Variants in TMPRSS4 observed in about 807,000 individuals in gnomAD.
TMPRSS4 encodes the protein transmembrane serine protease 4.
A neutral mutation model predicts 56.4 loss-of-function variants in TMPRSS4; 45 were observed. The observed-to-expected ratio is 0.80, with a 90% CI of 0.63 to 1.02. The LOEUF is 1.02. Among genes scored for constraint, TMPRSS4 ranks in the 50% least tolerant of loss-of-function variants. The pLI is 0.00. For missense variants in TMPRSS4, 546 were observed against 556.7 expected, an observed-to-expected ratio of 0.98 and a Z score of 0.19; for synonymous variants, 205 against 211.0, an observed-to-expected ratio of 0.97 and a Z score of 0.25.
At chr11:118,111,976 TG>T (rs1023013145) in intron 8 of TMPRSS4, 76 bp downstream of exon 8, 77 of 1,551,624 alleles carry the variant, frequency 5.0e-5, no homozygotes, top group Non-Finnish European at 6.5e-5. Context: ...TCCTGTCTCC[TG>T]GCACCGTCCT....
chr11:118,095,922 G>T (rs767841), intron 2 of TMPRSS4, among the ~76,000 whole-genome samples: 2,560 of 152,280 alleles, frequency 0.017, 71 homozygotes, highest in African/African-American at 0.057. Context: ...GCTGTTCATA[G>T]CTCACTGGGT....
At chr11:118,085,223 CTTCT>C (rs1393623813) in intron 1 of TMPRSS4, among the ~76,000 whole-genome samples, 7 of 118,030 alleles carry the variant, frequency 5.9e-5, no homozygotes, top group African/African-American at 8.5e-5. Flanking sequence ...AGATCTTCTT[CTTCT>C]TTTTTTTTTT....
chr11:118,099,505 T>C (rs1002176605), intron 3 of TMPRSS4, among the ~76,000 whole-genome samples: 1 of 109,178 alleles, frequency 9.2e-6, no homozygotes, highest in Non-Finnish European at 2.1e-5. Context: ...AAGAAAGACA[T>C]GTATCCACCC....
chr11:118,100,942 G>T (rs1405530784), intron 3 of TMPRSS4, among the ~76,000 whole-genome samples: 2 of 152,120 alleles, frequency 1.3e-5, no homozygotes, highest in Non-Finnish European at 2.9e-5. Flanking sequence ...ATGGCTTCTG[G>T]AGTCTCAACT....
intron 3 of TMPRSS4, among the ~76,000 whole-genome samples, chr11:118,100,484 A>T (rs1405984855): frequency 6.6e-6 from 1 of 152,158 alleles, no homozygotes; most frequent in African/African-American, 2.4e-5. Context: ...GCAGTCAGGG[A>T]CAAAGCTGCG....
At chr11:118,102,170 C>T (rs954355208) in intron 3 of TMPRSS4, among the ~76,000 whole-genome samples, 1 of 152,082 alleles carries the variant, frequency 6.6e-6, no homozygotes, top group African/African-American at 2.4e-5. Flanking sequence ...CGCCTCCCCC[C>T]GACAGGCCCC....
At position 118,118,593 on chromosome 11, in the gene TMPRSS4, C is replaced by A; in HGVS notation, c.*680C>A. On this transcript the variant is annotated 3_prime_UTR_variant, in exon 13 of 13. Transcript: ENST00000437212. Reference sequence around the variant, plus strand: ...CAGGGGAAAAAAGAGTTAGGGAGACCAGATCTGCTGAGTGGCAGCAAGAGT... The same window carrying A: ...CAGGGGAAAAAAGAGTTAGGGAGACAAGATCTGCTGAGTGGCAGCAAGAGT... 1.0e-6 allele frequency: 1 copy of A among 985,418 alleles called. No individual in the cohort carries two copies. Among genetic ancestry groups the A allele is most frequent in the Non-Finnish European group, 1.2e-6 (1 of 829,980 alleles). The allele number at this position is 985,418 out of a possible 1,614,324, so 61.0% of individuals were successfully genotyped here. A position where few individuals can be genotyped will look rare whatever the true frequency, so the allele number is the denominator to read the frequency against.
Position 118,119,067 on chromosome 11 carries a change from A to G in TMPRSS4, c.*1154A>G. On this transcript the variant is annotated 3_prime_UTR_variant, in exon 13 of 13. Coordinates refer to ENST00000437212, the MANE Select transcript of TMPRSS4 (RefSeq NM_019894.4). Reference sequence around the variant, plus strand: ...TTAAGTCAGATCCTAGATGAAATATACTTGTTCATACTGTACTAGGTTCTT... The same window carrying G: ...TTAAGTCAGATCCTAGATGAAATATGCTTGTTCATACTGTACTAGGTTCTT... The G allele has an allele frequency of 1.0e-6, 1 of 985,430 alleles. No homozygotes were observed. Among genetic ancestry groups the G allele is most frequent in the Non-Finnish European group, 1.2e-6 (1 of 829,934 alleles). The allele number at this position is 985,430 out of a possible 1,614,324, so 61.0% of individuals were successfully genotyped here. A position where few individuals can be genotyped will look rare whatever the true frequency, so the allele number is the denominator to read the frequency against.
intron 11 of TMPRSS4, chr11:118,115,647 C>T: frequency 5.1e-6 from 1 of 196,192 alleles, no homozygotes; most frequent in Non-Finnish European, 1.1e-5. Context: ...TGGTGAAATC[C>T]CATCTCTACT....
intron 1 of TMPRSS4, among the ~76,000 whole-genome samples, chr11:118,078,621 G>C (rs2135181924): frequency 6.6e-6 from 1 of 152,308 alleles, no homozygotes; most frequent in South Asian, 2.1e-4. Context: ...GGGCTCCCAG[G>C]AGAGGAGAGC....
At chr11:118,083,911 G>C (rs575270990) in intron 1 of TMPRSS4, among the ~76,000 whole-genome samples, 7 of 152,034 alleles carry the variant, frequency 4.6e-5, no homozygotes, top group African/African-American at 1.2e-4. Flanking sequence ...GGTGGCAGAC[G>C]CCTGTAATCC....
At chr11:118,109,033 C>T in intron 7 of TMPRSS4, 137 bp downstream of exon 7, 1 of 848,616 alleles carries the variant, frequency 1.2e-6, no homozygotes, top group South Asian at 1.7e-5. Flanking sequence ...GCTTGTCGGT[C>T]AATGCCCCCT....
At chr11:118,104,843 CT>C in intron 5 of TMPRSS4, 23 bp downstream of exon 5, 1 of 1,541,540 alleles carries the variant, frequency 6.5e-7, no homozygotes, top group Non-Finnish European at 8.7e-7. Flanking sequence ...GGCCTCTCTC[CT>C]TTTTCCCTCC....
At chr11:118,079,238 A>G (rs1222419540) in intron 1 of TMPRSS4, among the ~76,000 whole-genome samples, 1 of 152,112 alleles carries the variant, frequency 6.6e-6, no homozygotes, top group African/African-American at 2.4e-5. Flanking sequence ...AACCCTTGAC[A>G]GCCATAGCTC....
intron 1 of TMPRSS4, among the ~76,000 whole-genome samples, chr11:118,089,303 A>T (rs948460): frequency 0.21 from 32,430 of 152,148 alleles, 4,316 homozygotes; most frequent in Non-Finnish European, 0.31. Flanking sequence ...TGAGCTACTC[A>T]TGGGGAAACT....
intron 1 of TMPRSS4, among the ~76,000 whole-genome samples, chr11:118,084,157 C>G (rs1945365331): frequency 6.6e-6 from 1 of 152,126 alleles, no homozygotes; most frequent in Non-Finnish European, 1.5e-5. Flanking sequence ...TTCTCTCTCT[C>G]CCTCTTTTTC....
At chr11:118,087,355 C>T (rs1460311806) in intron 1 of TMPRSS4, among the ~76,000 whole-genome samples, 2 of 152,296 alleles carry the variant, frequency 1.3e-5, no homozygotes, top group Admixed American at 6.5e-5. Context: ...AGGAGCTGGC[C>T]GAGCTTTCTG....
chr11:118,118,173 C>G lies in TMPRSS4; in HGVS notation c.*260C>G. 10 of 1,408,698 alleles carry G rather than the reference C, an allele frequency of 7.1e-6. No individual in the cohort carries two copies. Among genetic ancestry groups the G allele is most frequent in the Non-Finnish European group, 9.2e-6 (10 of 1,085,040 alleles). The allele number at this position is 1,408,698 out of a possible 1,614,324, so 87.3% of individuals were successfully genotyped here. A position where few individuals can be genotyped will look rare whatever the true frequency, so the allele number is the denominator to read the frequency against. On this transcript the variant is annotated 3_prime_UTR_variant, in exon 13 of 13. Coordinates refer to ENST00000437212, the MANE Select transcript of TMPRSS4 (RefSeq NM_019894.4). ...CCAGGGAGAGACACAGCCCACTGAA[C>G]AAGGTCTCAGGGGTATTGCTAAGCC...
chr11:118,078,913 G>T (rs1442481788), intron 1 of TMPRSS4, among the ~76,000 whole-genome samples: 1 of 152,188 alleles, frequency 6.6e-6, no homozygotes, highest in Admixed American at 6.5e-5. Flanking sequence ...ATACATGTGA[G>T]TAGGTTCTGG....
Sources: gnomAD v4.1 joint callset for allele counts (sites outside exome capture counted in the v4.1 genomes callset) on GRCh38, gnomAD v4.1.1 for gene constraint, MANE v1.5 for transcripts, NCBI Gene and HGNC (gene_info 2026-07-23, HGNC 2026-07-21) for gene names.